The following ICAM2 variants were observed in gnomAD, a reference collection of about 807,000 sequenced individuals.
ICAM2 encodes the protein intercellular adhesion molecule 2.
In ICAM2, 14 loss-of-function variants were observed where a neutral mutation model predicts 19.1. The observed-to-expected ratio is 0.73, with a 90% confidence interval of 0.48 to 1.15. The LOEUF is 1.15. Ranked by LOEUF, ICAM2 falls within the 50% of genes most tolerant of loss-of-function variation. The pLI, the probability that ICAM2 is intolerant of heterozygous loss-of-function variation, is 0.00. For missense variants in ICAM2, 311 were observed against 355.4 expected (o/e 0.88, Z 1.00); for synonymous variants, 153 against 152.7 (o/e 1.00, Z -0.01).
intron 1 of ICAM2, among the ~76,000 whole-genome samples, chr17:64,008,803 C>G (rs542732395): frequency 2.0e-5 from 3 of 152,296 alleles, no homozygotes; most frequent in African/African-American, 7.2e-5. Flanking sequence ...GTGGGGTGAT[C>G]CATGCCTGGA....
intron 3 of ICAM2, chr17:64,004,777 GGTGACCCCACTA>G: frequency 2.3e-6 from 1 of 426,358 alleles, no homozygotes; most frequent in Admixed American, 3.5e-5. Context: ...CTCCCCTGAT[GGTGACCCCACTA>G]CTTGGCATGG....
At chr17:64,014,229 T>G (rs1368569922) in intron 1 of ICAM2, among the ~76,000 whole-genome samples, 2 of 151,044 alleles carry the variant, frequency 1.3e-5, no homozygotes, top group African/African-American at 4.9e-5. Context: ...ATTCCAGCAC[T>G]TTGGGAGGCC....
At chr17:64,008,175 G>T (rs923142642) in intron 1 of ICAM2, among the ~76,000 whole-genome samples, 1 of 152,212 alleles carries the variant, frequency 6.6e-6, no homozygotes, top group African/African-American at 2.4e-5. Flanking sequence ...CCCTGGACGG[G>T]GTTGCTGGAC....
At position 64,007,795 on chromosome 17, in the gene ICAM2, T is replaced by C. The variant is rs919297416; in HGVS notation, c.-44-1060A>G. On this transcript the variant is annotated intron_variant, in intron 1 of 4. Transcript: ENST00000579788. The stretch of plus-strand genomic sequence containing the variant: ...AGGAGGGAGCCTTGGGTTGGGAGGG[T>C]TGGAGCCTGAGGTGTTTCACTTTAT... 34 of 151,336 alleles carry C rather than the reference T, an allele frequency of 2.2e-4. 1 individual carries two copies. Among genetic ancestry groups the C allele is most frequent in the Non-Finnish European group, 2.9e-5 (2 of 67,830 alleles). The allele number at this position is 151,336 out of a possible 1,614,324, so 9.4% of individuals were successfully genotyped here. A position where few individuals can be genotyped will look rare whatever the true frequency, so the allele number is the denominator to read the frequency against.
At position 64,002,817 on chromosome 17, in the gene ICAM2, C is replaced by T. The variant is rs201009410; in HGVS notation, c.758G>A (p.Arg253His). The change falls in exon 5 of 5, where the codon CGC becomes CAC. Residue 253 changes from arginine (R) to histidine (H), a missense_variant. Coordinates refer to ENST00000579788, the MANE Select transcript of ICAM2 (RefSeq NM_001099789.2). ...LLCFIFGQHL[R>H]QQRMGTYGVR... ...CCCGTAGGTGCCCATCCGCTGCTGG[C>T]GCAAGTGCTGGCCGAAGATGAAGCA... 126 of 1,613,778 alleles carry T rather than the reference C, an allele frequency of 7.8e-5. No individual in the cohort carries two copies. The highest frequency in any genetic ancestry group is 9.2e-5 in the Non-Finnish European group (108 of 1,180,006).
Position 64,002,616 on chromosome 17 carries a change from G to T in ICAM2, c.*131C>A. The T allele has an allele frequency of 1.3e-6, 1 of 783,912 alleles. No homozygotes were observed. Among genetic ancestry groups the T allele is most frequent in the Non-Finnish European group, 2.0e-6 (1 of 495,944 alleles). 48.6% of individuals were successfully genotyped at this position (783,912 alleles called of 1,614,324 possible). ...GGGCTAAGTCCAGGTGTTTGTATTC[G>T]GGCTAGAAAAGGCAATGTCCCAAGT... On this transcript the variant is annotated 3_prime_UTR_variant, in exon 5 of 5. Coordinates refer to ENST00000579788, the MANE Select transcript of ICAM2 (RefSeq NM_001099789.2).
chr17:64,015,042 C>T (rs1006028749), intron 1 of ICAM2, among the ~76,000 whole-genome samples: 22 of 152,064 alleles, frequency 1.4e-4, no homozygotes, highest in African/African-American at 5.1e-4. Flanking sequence ...TAAATGGAAA[C>T]GTAAACATGA....
chr17:64,019,015 C>T (rs769602386), intron 1 of ICAM2, among the ~76,000 whole-genome samples: 13 of 152,104 alleles, frequency 8.5e-5, no homozygotes, highest in East Asian at 3.9e-4. Context: ...CCACTGCTCC[C>T]GGCCTTACTT....
chr17:64,016,073 G>A (rs1911708049), intron 1 of ICAM2, among the ~76,000 whole-genome samples: 1 of 152,132 alleles, frequency 6.6e-6, no homozygotes, highest in South Asian at 2.1e-4. Flanking sequence ...CATGAGGCCA[G>A]TGTAACCTTA....
chr17:64,017,342 T>C (rs915722403), intron 1 of ICAM2, among the ~76,000 whole-genome samples: 2 of 152,114 alleles, frequency 1.3e-5, no homozygotes, highest in Non-Finnish European at 2.9e-5. Flanking sequence ...ATTTAAAAAA[T>C]ACATCAATTA....
At chr17:64,003,144 C>A in intron 4 of ICAM2, 1 of 550,754 alleles carries the variant, frequency 1.8e-6, no homozygotes, top group Non-Finnish European at 3.3e-6. Flanking sequence ...ACCAGCTGGA[C>A]TTCTGTGTGG....
chr17:64,005,051 A>G, intron 3 of ICAM2, 56 bp downstream of exon 3: 1 of 1,596,946 alleles, frequency 6.3e-7, no homozygotes, highest in South Asian at 1.1e-5. Context: ...GTGTGCATTC[A>G]GTAGACACAG....
At chr17:64,016,663 C>A (rs983598923) in intron 1 of ICAM2, among the ~76,000 whole-genome samples, 1 of 152,222 alleles carries the variant, frequency 6.6e-6, no homozygotes, top group Non-Finnish European at 1.5e-5. Flanking sequence ...GCAGAATAAG[C>A]TTCCGTCGCC....
At chr17:64,012,148 G>C (rs1233788443) in intron 1 of ICAM2, among the ~76,000 whole-genome samples, 1 of 152,186 alleles carries the variant, frequency 6.6e-6, no homozygotes, top group African/African-American at 2.4e-5. Context: ...AATATGTTAA[G>C]TGAAATAAGA....
At chr17:64,019,918 A>G (rs1410662677) in intron 1 of ICAM2, among the ~76,000 whole-genome samples, 3 of 151,412 alleles carry the variant, frequency 2.0e-5, no homozygotes, top group African/African-American at 7.3e-5. Context: ...TTGGTATATT[A>G]CTGTGCAGTA....
At chr17:64,014,710 GAAGGAAGGAAGGAAGAAAGAAAGAAAGA>G (rs1171380908) in intron 1 of ICAM2, among the ~76,000 whole-genome samples, 634 of 36,356 alleles carry the variant, frequency 0.017, 8 homozygotes, top group Admixed American at 0.021. Context: ...AGGAAGGAAG[GAAGGAAGGAAGGAAGAAAGAAAGAAAGA>G]AAGAAAGAAA....
chr17:64,005,476 G>T, intron 2 of ICAM2, 103 bp from the exon 3 acceptor site: 1 of 1,343,818 alleles, frequency 7.4e-7, no homozygotes, highest in Non-Finnish European at 1.0e-6. Flanking sequence ...AGGGACTGAA[G>T]AGGAAAGGTC....
chr17:64,005,396 C>A (rs1911135672), intron 2 of ICAM2, 23 bp from the exon 3 acceptor site: 1 of 1,604,722 alleles, frequency 6.2e-7, no homozygotes, highest in Non-Finnish European at 8.5e-7. Flanking sequence ...AAACACTGGG[C>A]AGTCGTGTCA....
At position 64,002,760 on chromosome 17, in the gene ICAM2, G is replaced by A; in HGVS notation, c.815C>T (p.Ala272Val). ...CACTCATGGTTGCTATGGCCGGAAG[G>A]CCTGGGGCAGCCTCCTCCAAGCCGC... ...VRAAWRRLPQAFRP is the reference protein window; with the variant it reads ...VRAAWRRLPQVFRP The change falls in exon 5 of 5, where the codon GCC (alanine) becomes GTC (valine). Residue 272 changes from alanine to valine, a missense_variant. Coordinates refer to ENST00000579788, the MANE Select transcript of ICAM2 (RefSeq NM_001099789.2). 1.2e-6 allele frequency: 2 copies of A among 1,611,800 alleles called. No homozygotes were observed. Among genetic ancestry groups the A allele is most frequent in the Admixed American group, 1.7e-5 (1 of 59,976 alleles).
Sources: allele counts gnomAD v4.1 joint callset (sites outside exome capture counted in the v4.1 genomes callset), GRCh38; gene constraint gnomAD v4.1.1; transcripts MANE v1.5; gene names NCBI Gene and HGNC (gene_info 2026-07-23, HGNC 2026-07-21).